Variants in RTN4 observed in about 807,000 individuals in gnomAD.
The protein encoded by RTN4 is reticulon-4.
RTN4 carries 32 observed loss-of-function variants against 90.4 expected under a neutral mutation model. The observed-to-expected ratio is 0.35, with a 90% CI of 0.27 to 0.48. The LOEUF (loss-of-function observed/expected upper bound fraction) is 0.48. RTN4 is among the 20% of genes least tolerant of loss of function. The pLI is 0.99. For synonymous variants in RTN4, 629 were observed against 552.5 expected, an observed-to-expected ratio of 1.14 and a Z score of -1.94; for missense variants, 1,706 against 1,430.2, an observed-to-expected ratio of 1.19 and a Z score of -3.11.
At chr2:55,080,256 G>A (rs573815865) in intron 2 of RTN4, among the ~76,000 whole-genome samples, 15 of 151,908 alleles carry the variant, frequency 9.9e-5, no homozygotes, top group Non-Finnish European at 2.2e-4. Flanking sequence ...GGGCTCAAGC[G>A]ATCCTCCTGC....
intron 2 of RTN4, among the ~76,000 whole-genome samples, chr2:55,057,206 A>G (rs1359644350): frequency 6.6e-6 from 1 of 152,250 alleles, no homozygotes; most frequent in Non-Finnish European, 1.5e-5. Context: ...GTGGTATTAA[A>G]TATCTGCATA....
chr2:55,093,970 T>C (rs890195469), intron 1 of RTN4, among the ~76,000 whole-genome samples: 3 of 152,030 alleles, frequency 2.0e-5, no homozygotes, highest in African/African-American at 7.3e-5. Context: ...CATGAAAGAG[T>C]CACAATTTTC....
At chr2:55,011,381 T>C (rs778563347) in intron 3 of RTN4, among the ~76,000 whole-genome samples, 9 of 152,198 alleles carry the variant, frequency 5.9e-5, no homozygotes, top group Admixed American at 2.0e-4. Flanking sequence ...TTTTAAAATC[T>C]GTGTTCAACT....
chr2:55,137,026 G>C, the RTN4 span, among the ~76,000 whole-genome samples: 1 of 152,182 alleles, frequency 6.6e-6, no homozygotes, highest in Non-Finnish European at 1.5e-5. Flanking sequence ...CCATCACCTA[G>C]AATTTAACAG....
intron 3 of RTN4, among the ~76,000 whole-genome samples, chr2:55,007,407 A>G (rs1364685759): frequency 1.3e-5 from 2 of 152,016 alleles, no homozygotes; most frequent in African/African-American, 4.8e-5. Flanking sequence ...AAACTTCCAA[A>G]TCCTTTTTAT....
chr2:55,045,610 C>G (rs1377211534), intron 1 of RTN4, among the ~76,000 whole-genome samples: 2 of 152,016 alleles, frequency 1.3e-5, no homozygotes, highest in African/African-American at 4.8e-5. Context: ...GCCAAAAGCT[C>G]TAATTCGAGA....
At chr2:55,102,936 T>C (rs1486495682) in intron 1 of RTN4, among the ~76,000 whole-genome samples, 1 of 151,748 alleles carries the variant, frequency 6.6e-6, no homozygotes, top group Non-Finnish European at 1.5e-5. Context: ...CTGACCAATG[T>C]GGAGAAACCC....
At chr2:54,984,202 T>C (rs1385879637) in intron 4 of RTN4, among the ~76,000 whole-genome samples, 2 of 152,216 alleles carry the variant, frequency 1.3e-5, no homozygotes, top group Non-Finnish European at 2.9e-5. Context: ...CTCACTCCTG[T>C]ATAATTCTAA....
chr2:55,000,757 T>C (rs1296364059), intron 3 of RTN4, among the ~76,000 whole-genome samples: 1 of 152,176 alleles, frequency 6.6e-6, no homozygotes, highest in African/African-American at 2.4e-5. Flanking sequence ...TAAAAGACTA[T>C]ATTAATACTC....
chr2:55,130,558 C>T, the RTN4 span, among the ~76,000 whole-genome samples: 4 of 151,928 alleles, frequency 2.6e-5, no homozygotes, highest in Admixed American at 1.3e-4. Flanking sequence ...CGAGACCAGC[C>T]GGAACAACAA....
intron 1 of RTN4, among the ~76,000 whole-genome samples, chr2:55,036,548 G>GC (rs1389946337): frequency 2.2e-5 from 3 of 134,932 alleles, no homozygotes; most frequent in African/African-American, 5.7e-5. Context: ...GTTGCAGTGA[G>GC]CCAATATCGT....
intron 3 of RTN4, among the ~76,000 whole-genome samples, chr2:54,992,000 A>G (rs1679048147): frequency 6.6e-6 from 1 of 152,184 alleles, no homozygotes; most frequent in African/African-American, 2.4e-5. Flanking sequence ...TATGCCAAAC[A>G]CTGCAGTAGC....
chr2:55,052,228 T>G (rs1668107994), upstream of RTN4, among the ~76,000 whole-genome samples: 1 of 152,180 alleles, frequency 6.6e-6, no homozygotes, highest in Non-Finnish European at 1.5e-5. Context: ...TAATGATATA[T>G]CAATATCAGT....
At chr2:55,110,996 G>A (rs892049556) in intron 1 of RTN4, among the ~76,000 whole-genome samples, 7 of 152,146 alleles carry the variant, frequency 4.6e-5, no homozygotes, top group East Asian at 3.9e-4. Flanking sequence ...AGCCGAGATC[G>A]TACCACGGTA....
intron 2 of RTN4, among the ~76,000 whole-genome samples, chr2:55,063,470 G>A (rs1668336260): frequency 6.6e-6 from 1 of 152,058 alleles, no homozygotes; most frequent in African/African-American, 2.4e-5. Flanking sequence ...AGATGGTGGG[G>A]GAGAGGCTAG....
intron 1 of RTN4, among the ~76,000 whole-genome samples, chr2:55,102,268 C>T (rs1163690068): frequency 6.6e-6 from 1 of 151,958 alleles, no homozygotes; most frequent in Non-Finnish European, 1.5e-5. Context: ...GGCTGAAATC[C>T]CTTGAAGATG....
chr2:54,997,769 G>C (rs1679545945), intron 3 of RTN4, among the ~76,000 whole-genome samples: 2 of 152,286 alleles, frequency 1.3e-5, no homozygotes, highest in South Asian at 4.1e-4. Context: ...AATTAGGTGA[G>C]TATAGTACAA....
chr2:55,104,036 GT>G (rs2105059481), intron 1 of RTN4, among the ~76,000 whole-genome samples: 1 of 151,402 alleles, frequency 6.6e-6, no homozygotes, highest in South Asian at 2.1e-4. Flanking sequence ...TCAATAAAGT[GT>G]TTTTTGTTCT....
intron 2 of RTN4, among the ~76,000 whole-genome samples, chr2:55,069,057 G>A (rs918041670): frequency 6.6e-6 from 1 of 152,172 alleles, no homozygotes; most frequent in Admixed American, 6.6e-5. Flanking sequence ...GGTGGGGAGA[G>A]GGCAAATAAC....
Sources: allele counts gnomAD v4.1 joint callset (sites outside exome capture counted in the v4.1 genomes callset), GRCh38; gene constraint gnomAD v4.1.1; transcripts MANE v1.5; gene names NCBI Gene and HGNC (gene_info 2026-07-23, HGNC 2026-07-21).